The following CAT variants were observed in gnomAD, a reference collection of about 807,000 sequenced individuals.
The protein encoded by CAT is catalase, also known as epididymis secretory sperm binding protein.
CAT carries 43 observed loss-of-function variants against 59.0 expected under a neutral mutation model. The observed-to-expected ratio is 0.73, with a 90% CI of 0.57 to 0.94. The LOEUF (loss-of-function observed/expected upper bound fraction) is 0.94. Among genes scored for constraint, CAT ranks in the 40% least tolerant of loss-of-function variants. The pLI, the probability that CAT is intolerant of heterozygous loss-of-function variation, is 0.00. For missense variants in CAT, 664 were observed against 682.9 expected (o/e 0.97, Z 0.31); for synonymous variants, 218 against 230.9 (o/e 0.94, Z 0.51).
At chr11:34,448,461 C>T (rs1017569799) in intron 1 of CAT, among the ~76,000 whole-genome samples, 8 of 152,102 alleles carry the variant, frequency 5.3e-5, no homozygotes, top group African/African-American at 7.2e-5. Flanking sequence ...AGAAGAATGC[C>T]GCTCTAACCC....
intron 1 of CAT, among the ~76,000 whole-genome samples, chr11:34,440,567 C>CTT (rs1371909875): frequency 4.2e-5 from 6 of 143,968 alleles, no homozygotes; most frequent in African/African-American, 5.1e-5. Context: ...CTTTTCTTTT[C>CTT]TTTTTTTTTT....
intron 5 of CAT, 108 bp downstream of exon 5, chr11:34,453,302 T>C (rs1856551336): frequency 2.6e-6 from 2 of 783,042 alleles, no homozygotes; most frequent in Admixed American, 3.5e-5. Flanking sequence ...GGAATCAGCT[T>C]CCTCAGATTT....
chr11:34,461,778 C>T (rs887869558), intron 9 of CAT, among the ~76,000 whole-genome samples: 1 of 152,094 alleles, frequency 6.6e-6, no homozygotes, highest in Non-Finnish European at 1.5e-5. Flanking sequence ...AGACTTAGAC[C>T]CTTGGAAGTG....
chr11:34,440,073 C>T (rs1856369301), intron 1 of CAT, among the ~76,000 whole-genome samples: 2 of 152,142 alleles, frequency 1.3e-5, no homozygotes, highest in African/African-American at 4.8e-5. Flanking sequence ...CAGATTGGCC[C>T]AGGGAGTCTA....
chr11:34,447,271 G>GA (rs1188462680), intron 1 of CAT, among the ~76,000 whole-genome samples: 1 of 152,110 alleles, frequency 6.6e-6, no homozygotes, highest in East Asian at 1.9e-4. Context: ...CTCTAGGGGG[G>GA]ATGGCCCAGG....
chr11:34,444,923 T>G (rs1160724223), intron 1 of CAT, among the ~76,000 whole-genome samples: 1 of 152,220 alleles, frequency 6.6e-6, no homozygotes, highest in Non-Finnish European at 1.5e-5. Context: ...TCTGTGGCAG[T>G]TTTCATAACA....
rs752402962 is a variant in CAT at position 34,452,216 on chromosome 11, T to TA, written c.480+10dup. The TA allele has an allele frequency of 3.7e-6, 6 of 1,612,994 alleles. No individual in the cohort carries two copies. Among genetic ancestry groups the TA allele is most frequent in the Non-Finnish European group, 5.1e-6 (6 of 1,179,132 alleles). ...TCAGGGATCCCATATTGGTAGGTAA[T>TA]AGAGTATTTTGCACTCAACAAATGT... is the stretch of plus-strand genomic sequence containing the variant. On this transcript the variant is annotated intron_variant, in intron 4 of 12. Coordinates refer to ENST00000241052, the MANE Select transcript of CAT (RefSeq NM_001752.4).
At chr11:34,471,095 G>T in intron 12 of CAT, 54 bp downstream of exon 12, 1 of 1,457,296 alleles carries the variant, frequency 6.9e-7, no homozygotes, top group Non-Finnish European at 9.6e-7. Context: ...GGTTGGAGTA[G>T]GCATGACTTA....
At chr11:34,460,343 T>C (rs531244877) in intron 8 of CAT, among the ~76,000 whole-genome samples, 1 of 152,262 alleles carries the variant, frequency 6.6e-6, no homozygotes, top group African/African-American at 2.4e-5. Flanking sequence ...AGGGCTTTCA[T>C]TTTGAACCAC....
At position 34,471,662 on chromosome 11, in the gene CAT, A is replaced by G. The variant is rs1049324469; in HGVS notation, c.*229A>G. ...TTAAAAAAAAAATTTGTTTTGACGGATGATTGGATTATTCATTTAAAATGA... is the reference window on the plus strand; with the variant it reads ...TTAAAAAAAAAATTTGTTTTGACGGGTGATTGGATTATTCATTTAAAATGA... On this transcript the variant is annotated 3_prime_UTR_variant, in exon 13 of 13. Transcript: ENST00000241052. 1.8e-6 allele frequency: 1 copy of G among 549,336 alleles called. No individual in the cohort carries two copies. The highest frequency in any genetic ancestry group is 1.9e-5 in the African/African-American group (1 of 52,788). The allele number at this position is 549,336 out of a possible 1,614,324, so 34.0% of individuals were successfully genotyped here.
chr11:34,455,871 A>G, intron 6 of CAT, 140 bp from the exon 7 acceptor site: 2 of 682,130 alleles, frequency 2.9e-6, no homozygotes, highest in Non-Finnish European at 5.1e-6. Context: ...TTAGTATCAG[A>G]TTTGAACAAT....
At position 34,444,515 on chromosome 11, in the gene CAT, T is replaced by A. The variant is rs2268064; in HGVS notation, c.67-4677T>A. On this transcript the variant is annotated intron_variant, in intron 1 of 12. Transcript: ENST00000241052. ...GGTTTCCTGTACGTGGGTGTATACG[T>A]TGTAGGCACTTGAATCTTTGTTGAA... Among the ~76,000 whole-genome samples, 289 of 152,306 alleles carry A rather than the reference T, an allele frequency of 1.9e-3. 9 individuals are homozygous for A. The East Asian group carries it at 0.053, about 28-fold the overall frequency.
chr11:34,452,342 C>A, intron 4 of CAT, 135 bp downstream of exon 4: 1 of 764,340 alleles, frequency 1.3e-6, no homozygotes, highest in Non-Finnish European at 2.2e-6. Flanking sequence ...CTTTTTTCAA[C>A]ACATTTTTCT....
chr11:34,455,898 A>G (rs758336431), intron 6 of CAT, 113 bp from the exon 7 acceptor site: 70 of 825,230 alleles, frequency 8.5e-5, no homozygotes, highest in Non-Finnish European at 1.3e-4. Context: ...ATTGTTGTAA[A>G]GAAAGTTCAT....
Position 34,471,506 on chromosome 11 carries a change from TCTCCTG to T in CAT, c.*74_*79del. The T allele has an allele frequency of 1.6e-6, 2 of 1,283,776 alleles. No individual in the cohort carries two copies. The highest frequency in any genetic ancestry group is 2.3e-6 in the Non-Finnish European group (2 of 878,654). The allele number at this position is 1,283,776 out of a possible 1,614,324, so 79.5% of individuals were successfully genotyped here. On this transcript the variant is annotated 3_prime_UTR_variant, in exon 13 of 13. Transcript: ENST00000241052. ...AACCCGCTCATCACTGGATGAAGAT[TCTCCTG>T]TGCTAGATGTGCAAATGCAAGCTAG...
At position 34,445,495 on chromosome 11, in the gene CAT, C is replaced by CAAAAAAAA. The variant is rs58169234; in HGVS notation, c.67-3677_67-3670dup. Among the ~76,000 whole-genome samples the CAAAAAAAA allele has an allele frequency of 2.7e-3, 97 of 36,296 alleles. 2 individuals are homozygous for CAAAAAAAA. Among genetic ancestry groups the CAAAAAAAA allele is most frequent in the African/African-American group, 4.3e-3 (35 of 8,102 alleles). The allele number at this position is 36,296 out of a possible 152,430, so 23.8% of individuals were successfully genotyped here. A position where few individuals can be genotyped will look rare whatever the true frequency, so the allele number is the denominator to read the frequency against. The stretch of plus-strand genomic sequence containing the variant: ...TGGGCAATAGAGCGAGACTCCATCT[C>CAAAAAAAA]AAAAAAAAAAAAAAAAAAAAAAAAA... On this transcript the variant is annotated intron_variant, in intron 1 of 12. Transcript: ENST00000241052.
rs1183360385 is a variant in CAT, at chr11:34,456,817, G to T, written c.1056G>T (p.Gln352His). ...GIEASPDKML[Q>H]GRLFAYPDTH... is the part of the protein sequence containing the mutation. Reference sequence around the variant, plus strand: ...AGGCCAGTCCTGACAAAATGCTTCAGGTGAGCCTGGTGGATTGAGATGTTC... The same window carrying T: ...AGGCCAGTCCTGACAAAATGCTTCATGTGAGCCTGGTGGATTGAGATGTTC... Residue 352 changes from glutamine to histidine, a missense_variant and splice_region_variant, in exon 8 of 13, where the codon CAG becomes CAT. Transcript: ENST00000241052. 6.2e-7 allele frequency: 1 copy of T among 1,614,044 alleles called. No individual in the cohort carries two copies. Among genetic ancestry groups the T allele is most frequent in the Non-Finnish European group, 8.5e-7 (1 of 1,180,040 alleles).
In CAT at chr11:34,464,067, C is replaced by T. The variant is rs767118405; in HGVS notation, c.1196-38C>T. The T allele has an allele frequency of 2.9e-5, 46 of 1,612,970 alleles. 1 individual carries two copies. The South Asian group carries it at 4.9e-4, about 17-fold the overall frequency. On this transcript the variant is annotated intron_variant, in intron 9 of 12. Coordinates refer to ENST00000241052, the MANE Select transcript of CAT (RefSeq NM_001752.4). The stretch of plus-strand genomic sequence containing the variant: ...TTATTTGCAGACTTACTTGACTTTT[C>T]TTATTCCTAAGTGCATCTGGGTGGT...
At chr11:34,468,460 G>A in intron 11 of CAT, 65 bp downstream of exon 11, 3 of 1,143,024 alleles carry the variant, frequency 2.6e-6, no homozygotes, top group Non-Finnish European at 2.7e-6. Context: ...CTGTGTGGGA[G>A]AACCCTAAAA....
Sources: allele counts gnomAD v4.1 joint callset (sites outside exome capture counted in the v4.1 genomes callset), GRCh38; gene constraint gnomAD v4.1.1; transcripts MANE v1.5; gene names NCBI Gene and HGNC (gene_info 2026-07-23, HGNC 2026-07-21).